Variants in NEK10 observed in about 807,000 individuals in gnomAD.
NEK10 encodes NIMA related kinase 10.
Under a neutral mutation model 159.8 loss-of-function variants are expected in NEK10, and 122 were observed. The ratio of observed to expected loss-of-function variants is 0.76; its 90% CI spans 0.66 to 0.89. The LOEUF (loss-of-function observed/expected upper bound fraction) is 0.89, where lower values mean the gene tolerates loss of function less well. NEK10 is among the 40% of genes least tolerant of loss of function. NEK10 has a pLI of 0.00. For synonymous variants in NEK10, 466 were observed against 457.1 expected, an observed-to-expected ratio of 1.02 and a Z score of -0.25; for missense variants, 1,342 against 1,323.1, an observed-to-expected ratio of 1.01 and a Z score of -0.22.
Position 27,202,306 on chromosome 3 carries a change from T to C in NEK10, c.2220+122A>G, listed in dbSNP as rs915282196. ...GGAAAAAATAAACTGGATCATGCAG[T>C]TAATAAAAACAATTCTTGCTTTTAA... On this transcript the variant is annotated intron_variant, in intron 24 of 35. Transcript: ENST00000691995. The C allele has an allele frequency of 8.4e-6, 7 of 829,292 alleles. No individual in the cohort carries two copies. The African/African-American group carries it at 1.2e-4, about 14-fold the overall frequency. The allele number at this position is 829,292 out of a possible 1,614,324, so 51.4% of individuals were successfully genotyped here. A position where few individuals can be genotyped will look rare whatever the true frequency, so the allele number is the denominator to read the frequency against.
chr3:27,323,430 G>T (rs1370076822), intron 5 of NEK10, among the ~76,000 whole-genome samples: 1 of 152,144 alleles, frequency 6.6e-6, no homozygotes, highest in Non-Finnish European at 1.5e-5. Flanking sequence ...GGACAGGAAG[G>T]TGCCAAAACC....
In NEK10 at chr3:27,256,375, C is replaced by T. The variant is rs1222670471; in HGVS notation, c.2015-4G>A. On this transcript the variant is annotated splice_region_variant and splice_polypyrimidine_tract_variant and intron_variant, in intron 22 of 35. Coordinates refer to ENST00000691995, the MANE Select transcript of NEK10 (RefSeq NM_001394966.1). The stretch of plus-strand genomic sequence containing the variant: ...TGCTTTGCCAGGCCAAAGTCAGCTA[C>T]AATTCACAAAACAACGCAATATGTT... 1 of 1,563,224 alleles carries T rather than the reference C, an allele frequency of 6.4e-7. No homozygotes were observed. The highest frequency in any genetic ancestry group is 1.4e-5 in the African/African-American group (1 of 71,190).
At chr3:27,118,219 G>A (rs1187307900) in intron 33 of NEK10, among the ~76,000 whole-genome samples, 1 of 152,208 alleles carries the variant, frequency 6.6e-6, no homozygotes, top group African/African-American at 2.4e-5. Context: ...GGTTACTAAA[G>A]CCTTGTAGTA....
At chr3:27,290,181 A>C (rs2149486189) in intron 19 of NEK10, among the ~76,000 whole-genome samples, 1 of 152,334 alleles carries the variant, frequency 6.6e-6, no homozygotes, top group East Asian at 1.9e-4. Flanking sequence ...ATAATAACCC[A>C]ACTTGAAAAT....
intron 35 of NEK10, among the ~76,000 whole-genome samples, chr3:27,113,240 G>A (rs1275952819): frequency 6.6e-6 from 1 of 151,930 alleles, no homozygotes. Context: ...AGATCAGCCT[G>A]GCCAACATGA....
intron 13 of NEK10, among the ~76,000 whole-genome samples, chr3:27,299,285 T>G (rs1017432785): frequency 3.3e-5 from 5 of 152,214 alleles, no homozygotes; most frequent in African/African-American, 1.2e-4. Context: ...CAGCTTAGGC[T>G]GTTGCTTCAG....
intron 5 of NEK10, among the ~76,000 whole-genome samples, chr3:27,330,680 C>T (rs747305092): frequency 2.6e-5 from 4 of 152,094 alleles, no homozygotes; most frequent in Non-Finnish European, 4.4e-5. Flanking sequence ...CCTAACAAAA[C>T]CAGTGTCAAT....
At position 27,280,329 on chromosome 3, in the gene NEK10, G is replaced by A. The variant is rs1372541833; in HGVS notation, c.2014+4273C>T. On this transcript the variant is annotated intron_variant, in intron 22 of 35. Coordinates refer to ENST00000691995, the MANE Select transcript of NEK10 (RefSeq NM_001394966.1). ...GCCCATTTAACCCTGCAGAGCCCAG[G>A]GTGCCATCCAAGGGAGAAGAGAAGC... Among the ~76,000 whole-genome samples the A allele has an allele frequency of 5.3e-5, 8 of 151,960 alleles. No homozygotes were observed. In the South Asian group the frequency reaches 1.2e-3, roughly 24 times the overall value.
intron 19 of NEK10, among the ~76,000 whole-genome samples, chr3:27,288,560 G>C (rs899718425): frequency 2.0e-5 from 3 of 152,078 alleles, no homozygotes; most frequent in African/African-American, 7.2e-5. Flanking sequence ...TCAGAGTTGG[G>C]TTCAATCTCT....
At chr3:27,170,298 GC>G (rs1946840197) in intron 29 of NEK10, among the ~76,000 whole-genome samples, 2 of 152,302 alleles carry the variant, frequency 1.3e-5, no homozygotes, top group South Asian at 4.1e-4. Context: ...AGGTGCCCCA[GC>G]CTCAGAGCAG....
At chr3:27,126,597 T>C (rs1941979671) in intron 32 of NEK10, among the ~76,000 whole-genome samples, 1 of 152,112 alleles carries the variant, frequency 6.6e-6, no homozygotes, top group South Asian at 2.1e-4. Context: ...TGGAAGATGA[T>C]TGGAAGAGCA....
chr3:27,194,948 A>G (rs1012841479), intron 25 of NEK10, among the ~76,000 whole-genome samples: 1 of 152,194 alleles, frequency 6.6e-6, no homozygotes, highest in Non-Finnish European at 1.5e-5. Context: ...CAGGGTTGCT[A>G]AGTTATTCTC....
chr3:27,254,193 A>C (rs549036666), intron 23 of NEK10, among the ~76,000 whole-genome samples: 3 of 152,238 alleles, frequency 2.0e-5, no homozygotes, highest in South Asian at 2.1e-4. Flanking sequence ...GGTTTTTTTC[A>C]ATTTTTAAAA....
At chr3:27,339,026 A>T (rs2149753943) in intron 5 of NEK10, among the ~76,000 whole-genome samples, 1 of 152,340 alleles carries the variant, frequency 6.6e-6, no homozygotes, top group South Asian at 2.1e-4. Context: ...AGGAGAAAAT[A>T]TTTACAAACT....
At chr3:27,342,838 T>G (rs2047293770) in intron 5 of NEK10, among the ~76,000 whole-genome samples, 1 of 152,138 alleles carries the variant, frequency 6.6e-6, no homozygotes, top group African/African-American at 2.4e-5. Context: ...CTTTATTTCC[T>G]AATACCACCT....
intron 1 of NEK10, among the ~76,000 whole-genome samples, chr3:27,359,771 T>A (rs2048554472): frequency 6.6e-6 from 1 of 152,254 alleles, no homozygotes; most frequent in Non-Finnish European, 1.5e-5. Flanking sequence ...TTTTGCAGTT[T>A]CTATGTTACG....
At chr3:27,291,997 T>A (rs1403978996) in intron 16 of NEK10, among the ~76,000 whole-genome samples, 1 of 152,162 alleles carries the variant, frequency 6.6e-6, no homozygotes, top group Non-Finnish European at 1.5e-5. Context: ...GAAACAAATT[T>A]AACTTCTTTT....
chr3:27,201,392 T>C, intron 25 of NEK10, 118 bp downstream of exon 25: 1 of 817,384 alleles, frequency 1.2e-6, no homozygotes, highest in Non-Finnish European at 1.9e-6. Context: ...TCTTTCTAGA[T>C]TTGGATTATG....
At chr3:27,226,693 C>A (rs543658762) in intron 23 of NEK10, among the ~76,000 whole-genome samples, 13 of 152,102 alleles carry the variant, frequency 8.5e-5, no homozygotes, top group African/African-American at 3.1e-4. Flanking sequence ...GAAAACATTC[C>A]CTGGCCAATG....
Sources: allele counts gnomAD v4.1 joint callset (sites outside exome capture counted in the v4.1 genomes callset), GRCh38; gene constraint gnomAD v4.1.1; transcripts MANE v1.5; gene names NCBI Gene and HGNC (gene_info 2026-07-23, HGNC 2026-07-21).